Variants in PDE3A observed in about 807,000 individuals in gnomAD.
PDE3A encodes the protein cGMP-inhibited 3',5'-cyclic phosphodiesterase 3A.
In PDE3A, 43 loss-of-function variants were observed where a neutral mutation model predicts 98.3. The observed-to-expected ratio is 0.44, with a 90% CI of 0.34 to 0.56. The LOEUF is 0.56. Ranked by LOEUF, PDE3A falls within the 20% of genes least tolerant of loss-of-function variation. The probability of loss-of-function intolerance (pLI) is 0.01; values close to 1 mark genes in which losing one functional copy is unlikely to be tolerated. For missense variants in PDE3A, 1,427 were observed against 1,440.7 expected (o/e 0.99, Z 0.15); for synonymous variants, 663 against 567.9 (o/e 1.17, Z -2.38).
intron 1 of PDE3A, among the ~76,000 whole-genome samples, chr12:20,489,734 A>G (rs905880595): frequency 6.6e-6 from 1 of 152,188 alleles, no homozygotes; most frequent in Admixed American, 6.5e-5. Context: ...TCAGAAAATA[A>G]TGTTCACTGA....
intron 1 of PDE3A, among the ~76,000 whole-genome samples, chr12:20,395,688 TTATA>T (rs5796857): frequency 7.0e-6 from 1 of 143,422 alleles, no homozygotes; most frequent in Non-Finnish European, 1.5e-5. Context: ...AATAGAATCA[TTATA>T]TATATATATA....
chr12:20,577,589 A>G (rs560526227), intron 2 of PDE3A, among the ~76,000 whole-genome samples: 1 of 152,184 alleles, frequency 6.6e-6, no homozygotes, highest in East Asian at 1.9e-4. Flanking sequence ...CTTAGCCCCA[A>G]ATGAGCTGGG....
chr12:20,442,567 C>G (rs1944886972), intron 1 of PDE3A, among the ~76,000 whole-genome samples: 2 of 152,192 alleles, frequency 1.3e-5, no homozygotes, highest in South Asian at 4.1e-4. Context: ...CAGGGAAGCA[C>G]CATCCTACCA....
At chr12:20,556,846 T>G in intron 2 of PDE3A, 136 bp downstream of exon 2, 1 of 700,812 alleles carries the variant, frequency 1.4e-6, no homozygotes, top group East Asian at 2.7e-5. Context: ...TTTATTTAAG[T>G]TAACTATAAT....
At chr12:20,660,838 G>A (rs1351411616) in intron 15 of PDE3A, among the ~76,000 whole-genome samples, 2 of 152,122 alleles carry the variant, frequency 1.3e-5, no homozygotes, top group Non-Finnish European at 2.9e-5. Flanking sequence ...GTCTTTGTCA[G>A]CTGCATGGAA....
chr12:20,370,254 G>A lies in PDE3A; in HGVS notation c.960+10G>A. The A allele has an allele frequency of 6.6e-7, 1 of 1,512,968 alleles. No individual in the cohort carries two copies. The highest frequency in any genetic ancestry group is 1.3e-5 in the South Asian group (1 of 74,556). 93.7% of individuals were successfully genotyped at this position (1,512,968 alleles called of 1,614,324 possible). On this transcript the variant is annotated intron_variant, in intron 1 of 15. Coordinates refer to ENST00000359062, the MANE Select transcript of PDE3A (RefSeq NM_000921.5). ...TATACCGAGGGAACAGGTAAGCACT[G>A]GCAACTCCTCTCTCGGCTCTTGGAA...
At chr12:20,671,315 T>C (rs953135937) in intron 15 of PDE3A, among the ~76,000 whole-genome samples, 2 of 150,934 alleles carry the variant, frequency 1.3e-5, no homozygotes, top group African/African-American at 4.9e-5. Flanking sequence ...TTCCAATCAA[T>C]AGAAAAACAG....
chr12:20,385,798 G>A (rs577880242), intron 1 of PDE3A, among the ~76,000 whole-genome samples: 2 of 149,922 alleles, frequency 1.3e-5, no homozygotes, highest in South Asian at 4.2e-4. Flanking sequence ...GTGGGGTGGG[G>A]GGAGTGGGGA....
At chr12:20,383,165 C>T (rs1439288144) in intron 1 of PDE3A, among the ~76,000 whole-genome samples, 1 of 151,762 alleles carries the variant, frequency 6.6e-6, no homozygotes, top group Non-Finnish European at 1.5e-5. Flanking sequence ...TTTTGAGGGT[C>T]GGTTGTGTAG....
intron 1 of PDE3A, among the ~76,000 whole-genome samples, chr12:20,446,228 C>T (rs1944951210): frequency 6.6e-6 from 1 of 152,128 alleles, no homozygotes. Context: ...AATGTATAAG[C>T]TTAAGTCGTG....
At chr12:20,651,465 G>A (rs1944913292) in intron 14 of PDE3A, among the ~76,000 whole-genome samples, 1 of 152,162 alleles carries the variant, frequency 6.6e-6, no homozygotes, top group South Asian at 2.1e-4. Flanking sequence ...AATCAACATT[G>A]CTGTGGAGAT....
chr12:20,514,269 A>G (rs1042386809), intron 1 of PDE3A, among the ~76,000 whole-genome samples: 21 of 152,214 alleles, frequency 1.4e-4, no homozygotes, highest in African/African-American at 4.6e-4. Flanking sequence ...CTAGGATATT[A>G]TTGATTACTC....
Position 20,687,282 on chromosome 12 carries a change from A to G in PDE3A, c.*7011A>G, listed in dbSNP as rs375233800. Among the ~76,000 whole-genome samples the G allele has an allele frequency of 5.3e-5, 8 of 152,032 alleles. No individual in the cohort carries two copies. Among genetic ancestry groups the G allele is most frequent in the African/African-American group, 1.9e-4 (8 of 41,430 alleles). On this transcript the variant is annotated 3_prime_UTR_variant, in exon 16 of 16. Coordinates refer to ENST00000359062, the MANE Select transcript of PDE3A (RefSeq NM_000921.5). ...GATTATGGGTCAAAAACTCCATCTTATATCAGCGATGATTTCATTTTAACT... is the reference window on the plus strand; with the variant it reads ...GATTATGGGTCAAAAACTCCATCTTGTATCAGCGATGATTTCATTTTAACT...
At chr12:20,430,786 A>G (rs566162078) in intron 1 of PDE3A, among the ~76,000 whole-genome samples, 1 of 152,308 alleles carries the variant, frequency 6.6e-6, no homozygotes, top group Admixed American at 6.5e-5. Flanking sequence ...GTATATAAAC[A>G]CAATTTCACT....
rs541271003 is a variant in PDE3A at position 20,480,867 on chromosome 12, T to C, written c.961-75793T>C. Among the ~76,000 whole-genome samples, 320 of 152,322 alleles carry C rather than the reference T, an allele frequency of 2.1e-3. 1 individual carries two copies. The highest frequency in any genetic ancestry group is 3.6e-3 in the Non-Finnish European group (247 of 68,024). On this transcript the variant is annotated intron_variant, in intron 1 of 15. Coordinates refer to ENST00000359062, the MANE Select transcript of PDE3A (RefSeq NM_000921.5). Reference sequence around the variant, plus strand: ...CATTGACAGTGAAGGCAGAACGCCATTCAGGTTCTGAAATGAAACCATAGG... The same window carrying C: ...CATTGACAGTGAAGGCAGAACGCCACTCAGGTTCTGAAATGAAACCATAGG...
At chr12:20,654,686 G>A (rs943238822) in intron 15 of PDE3A, among the ~76,000 whole-genome samples, 2 of 58,662 alleles carry the variant, frequency 3.4e-5, no homozygotes, top group Non-Finnish European at 6.6e-5. Context: ...TTTTTTTTTT[G>A]TATTTTGAGT....
intron 15 of PDE3A, among the ~76,000 whole-genome samples, chr12:20,673,653 G>A (rs890532062): frequency 2.1e-5 from 3 of 146,182 alleles, no homozygotes; most frequent in Non-Finnish European, 4.5e-5. Context: ...TGAACAATGA[G>A]AACACATGGA....
chr12:20,572,126 C>T, intron 2 of PDE3A: 6 of 1,278,824 alleles, frequency 4.7e-6, no homozygotes, highest in Non-Finnish European at 6.1e-6. Context: ...ACTGATTATA[C>T]ATGGTGACGA....
chr12:20,543,125 C>T (rs1455303804), intron 1 of PDE3A, among the ~76,000 whole-genome samples: 1 of 151,948 alleles, frequency 6.6e-6, no homozygotes, highest in African/African-American at 2.4e-5. Context: ...TTAATAAAGT[C>T]ATAATGCCTT....
Sources: gnomAD v4.1 joint callset for allele counts (sites outside exome capture counted in the v4.1 genomes callset) on GRCh38, gnomAD v4.1.1 for gene constraint, MANE v1.5 for transcripts, NCBI Gene and HGNC (gene_info 2026-07-23, HGNC 2026-07-21) for gene names.